GIT2: variants seen among roughly 807,000 people sequenced by gnomAD.
The protein encoded by GIT2 is GIT ArfGAP 2.
GIT2 carries 32 observed loss-of-function variants against 100.3 expected under a neutral mutation model. That is an observed-to-expected ratio of 0.32 (90% CI 0.24 to 0.43). GIT2 has a LOEUF of 0.43. Among genes scored for constraint, GIT2 ranks in the 20% least tolerant of loss-of-function variants. The pLI is 1.00. For missense variants in GIT2, 737 were observed against 975.1 expected, an observed-to-expected ratio of 0.76 and a Z score of 3.25; for synonymous variants, 353 against 364.1, an observed-to-expected ratio of 0.97 and a Z score of 0.35.
intron 7 of GIT2, among the ~76,000 whole-genome samples, chr12:109,968,799 G>A (rs1352743939): frequency 6.7e-6 from 1 of 150,220 alleles, no homozygotes; most frequent in African/African-American, 2.5e-5. Context: ...CGGCTCACTG[G>A]CAACCTCCAC....
rs372194046 is a variant in GIT2 at position 109,953,057 on chromosome 12, G to T, written c.1242+35C>A. ...GGCAGGGCTAGCCCTCAGCTGATGC[G>T]TGCTTGCCCTTCCATGGGACGCATG... On this transcript the variant is annotated intron_variant, in intron 13 of 19. Coordinates refer to ENST00000355312, the MANE Select transcript of GIT2 (RefSeq NM_057169.5). 1.6e-4 allele frequency: 265 copies of T among 1,611,468 alleles called. 2 individuals carry two copies. Among genetic ancestry groups the T allele is most frequent in the African/African-American group, 1.1e-3 (81 of 74,996 alleles).
In GIT2 at chr12:109,961,681, CT is replaced by C; in HGVS notation, c.820del (p.Ser274ValfsTer35). The C allele has an allele frequency of 6.3e-7, 1 of 1,578,644 alleles. No individual in the cohort carries two copies. Among genetic ancestry groups the C allele is most frequent in the Non-Finnish European group, 8.7e-7 (1 of 1,148,042 alleles). On this transcript the variant is annotated frameshift_variant, in exon 10 of 20. Coordinates refer to ENST00000355312, the MANE Select transcript of GIT2 (RefSeq NM_057169.5). LOFTEE classifies it high-confidence loss of function. ...GGCAAGTTCTTCAAACAAATGATTACTTAGCTGAAAATAAAAAATATCAGGA... is the reference window on the plus strand; with the variant it reads ...GGCAAGTTCTTCAAACAAATGATTACTAGCTGAAAATAAAAAATATCAGGA... ...KAAKKKLQSL[S>X]NHLFEELAMD...
intron 4 of GIT2, among the ~76,000 whole-genome samples, chr12:109,987,657 G>A (rs1470735160): frequency 6.6e-6 from 1 of 151,812 alleles, no homozygotes; most frequent in South Asian, 2.1e-4. Context: ...TTGTAGAGAC[G>A]GGGTTTCGCC....
chr12:109,996,334 G>A lies in GIT2; in HGVS notation c.-110C>T, dbSNP rs1368008772. 5.5e-6 allele frequency: 4 copies of A among 726,618 alleles called. No homozygotes were observed. The highest frequency in any genetic ancestry group is 3.8e-5 in the African/African-American group (2 of 53,316). 45.0% of individuals were successfully genotyped at this position (726,618 alleles called of 1,614,324 possible). A position where few individuals can be genotyped will look rare whatever the true frequency, so the allele number is the denominator to read the frequency against. On this transcript the variant is annotated 5_prime_UTR_variant, in exon 1 of 20. Transcript: ENST00000355312. Reference sequence around the variant, plus strand: ...CCCAGCTGCGGCGGCGCTGACGGCGGCGCCTCTCCCCTCAGCGCCTTGCAG... The same window carrying A: ...CCCAGCTGCGGCGGCGCTGACGGCGACGCCTCTCCCCTCAGCGCCTTGCAG...
rs1399298366 is a variant in GIT2, at chr12:109,965,589, T to C, written c.765-12A>G. 1 of 1,558,748 alleles carries C rather than the reference T, an allele frequency of 6.4e-7. No homozygotes were observed. Among genetic ancestry groups the C allele is most frequent in the African/African-American group, 1.4e-5 (1 of 73,648 alleles). The stretch of plus-strand genomic sequence containing the variant: ...ACAAATCCAGGCTGCTAAGAAAACA[T>C]ACAAAGCTAATAAGCAAATAAATAA... On this transcript the variant is annotated splice_polypyrimidine_tract_variant and intron_variant, in intron 8 of 19. Coordinates refer to ENST00000355312, the MANE Select transcript of GIT2 (RefSeq NM_057169.5).
In GIT2 at chr12:109,945,383, T is replaced by C. The variant is rs200639391; in HGVS notation, c.1642-34A>G. On this transcript the variant is annotated intron_variant, in intron 15 of 19. Coordinates refer to ENST00000355312, the MANE Select transcript of GIT2 (RefSeq NM_057169.5). ...GGAAAGAGAAACACACTCGGGAAAA[T>C]ACAAAACAAACCAAAAACCTACCAC... 652 of 1,114,734 alleles carry C rather than the reference T, an allele frequency of 5.8e-4. 3 individuals carry two copies. Among genetic ancestry groups the C allele is most frequent in the Non-Finnish European group, 7.9e-4 (576 of 733,378 alleles). 69.1% of individuals were successfully genotyped at this position (1,114,734 alleles called of 1,614,324 possible).
At chr12:109,935,847 T>C (rs981387565) in intron 18 of GIT2, among the ~76,000 whole-genome samples, 2 of 152,180 alleles carry the variant, frequency 1.3e-5, no homozygotes, top group African/African-American at 4.8e-5. Context: ...CTCCACACGA[T>C]AGAAAAGCGA....
At chr12:109,977,970 AAC>A (rs1885458393) in intron 7 of GIT2, among the ~76,000 whole-genome samples, 1 of 151,950 alleles carries the variant, frequency 6.6e-6, no homozygotes, top group African/African-American at 2.4e-5. Flanking sequence ...TTTAGTTTTC[AAC>A]AGTTTGATTT....
chr12:109,999,547 C>G (rs929269753), upstream of GIT2: 514 of 550,456 alleles, frequency 9.3e-4, 5 homozygotes, highest in Admixed American at 1.9e-4. This position sits in a 1 kb window ranked among gnomAD's most constrained non-coding sequence, Gnocchi z 4.3. Context: ...GCCCCGCACC[C>G]GACCGGCTCA....
intron 18 of GIT2, among the ~76,000 whole-genome samples, chr12:109,936,260 TAA>T (rs547925577): frequency 2.1e-4 from 29 of 136,240 alleles, no homozygotes; most frequent in Non-Finnish European, 1.7e-4. Context: ...CTCATGGTCT[TAA>T]AAAAAAAAAA....
In GIT2 at chr12:109,940,923, A is replaced by G. The variant is rs576019705; in HGVS notation, c.1732-1676T>C. 3.3e-3 allele frequency among the ~76,000 whole-genome samples: 508 copies of G among 151,886 alleles called. 2 individuals are homozygous for G. The highest frequency in any genetic ancestry group is 6.0e-3 in the Non-Finnish European group (407 of 67,924). On this transcript the variant is annotated intron_variant, in intron 16 of 19. Coordinates refer to ENST00000355312, the MANE Select transcript of GIT2 (RefSeq NM_057169.5). ...AACAAAACAAAACCAAAAAGAAAAA[A>G]AAAAAAAAACCCCACAAAACTCTAC...
chr12:109,994,198 G>A lies in GIT2; in HGVS notation c.52+1975C>T, dbSNP rs541478719. ...CACATATTAATTAAGACAAGTATTC[G>A]ACTAACCACTTTAGCATCCTGGATC... On this transcript the variant is annotated intron_variant, in intron 1 of 19. Transcript: ENST00000355312. Among the ~76,000 whole-genome samples the A allele has an allele frequency of 5.3e-5, 8 of 151,510 alleles. No homozygotes were observed. In the East Asian group the frequency reaches 9.7e-4, roughly 18 times the overall value.
In GIT2 at chr12:109,961,322, G is replaced by A; in HGVS notation, c.943C>T (p.Pro315Ser). The change falls in exon 11 of 20, where the codon CCC becomes TCC. Residue 315 changes from proline (P) to serine (S), a missense_variant. Physicochemically the swap from Pro to Ser is moderately conservative, Grantham distance 74. Transcript: ENST00000355312. ...TACTCAGGATTGACCGGAAGAAAGG[G>A]GACGACCGTTGTCTCGGTTACCAGG... ...SALVTETTVV[P>S]FLPVNPEYSS... 6.2e-7 allele frequency: 1 copy of A among 1,613,542 alleles called. No homozygotes were observed. The highest frequency in any genetic ancestry group is 8.5e-7 in the Non-Finnish European group (1 of 1,179,472).
chr12:109,932,391 G>A lies in GIT2; in HGVS notation c.*587C>T, dbSNP rs1871804486. The A allele has an allele frequency of 6.5e-6, 1 of 153,104 alleles. No individual in the cohort carries two copies. The highest frequency in any genetic ancestry group is 2.1e-4 in the South Asian group (1 of 4,866). 9.5% of individuals were successfully genotyped at this position (153,104 alleles called of 1,614,324 possible). A position where few individuals can be genotyped will look rare whatever the true frequency, so the allele number is the denominator to read the frequency against. ...ATTAAATAACAGAACATGTAACAGG[G>A]TAAAACACTGAGAAGAAATGAACCA... is the stretch of plus-strand genomic sequence containing the variant. On this transcript the variant is annotated 3_prime_UTR_variant, in exon 20 of 20. Transcript: ENST00000355312.
At chr12:109,982,547 G>A (rs1259571601) in intron 6 of GIT2, 1 of 151,776 alleles carries the variant, frequency 6.6e-6, no homozygotes, top group Non-Finnish European at 1.5e-5. Flanking sequence ...CTGATCTTTG[G>A]CCATTTAAAT....
chr12:109,934,432 T>A lies in GIT2; in HGVS notation c.2004-347A>T, dbSNP rs2136124106. On this transcript the variant is annotated intron_variant, in intron 18 of 19. Transcript: ENST00000355312. This position sits in a 1 kb window ranked among gnomAD's most constrained non-coding sequence, Gnocchi z 4.5. ...CCCAATTTCTAGAAAGAGAAAGGATTTCCATGCAAAAGGCCACAGAAGTGA... is the reference window on the plus strand; with the variant it reads ...CCCAATTTCTAGAAAGAGAAAGGATATCCATGCAAAAGGCCACAGAAGTGA... Among the ~76,000 whole-genome samples, 1 of 152,340 alleles carries A rather than the reference T, an allele frequency of 6.6e-6. No homozygotes were observed. The highest frequency in any genetic ancestry group is 2.1e-4 in the South Asian group (1 of 4,828).
intron 17 of GIT2, 90 bp downstream of exon 17, chr12:109,939,075 T>G: frequency 1.3e-6 from 1 of 746,830 alleles, no homozygotes; most frequent in Non-Finnish European, 2.5e-6. Context: ...AAAAGGGGTG[T>G]GTGTGGTGAA....
At chr12:109,976,176 T>A (rs567603393) in intron 7 of GIT2, among the ~76,000 whole-genome samples, 18 of 152,154 alleles carry the variant, frequency 1.2e-4, no homozygotes, top group Non-Finnish European at 2.4e-4. Context: ...ATTTTACATT[T>A]CCAGTAGAAG....
chr12:109,961,466 A>G, intron 10 of GIT2, 91 bp from the exon 11 acceptor site: 1 of 965,982 alleles, frequency 1.0e-6, no homozygotes, highest in East Asian at 2.4e-5. Context: ...GAGGGGAAAC[A>G]CACTCTGAAG....
Sources: gnomAD v4.1 joint callset for allele counts (sites outside exome capture counted in the v4.1 genomes callset) on GRCh38, gnomAD v4.1.1 for gene constraint, Gnocchi (gnomAD v3.1) non-coding constraint, MANE v1.5 for transcripts, NCBI Gene and HGNC (gene_info 2026-07-23, HGNC 2026-07-21) for gene names.